Variants in SMYD3 observed in about 807,000 individuals in gnomAD.
The protein encoded by SMYD3 is histone-lysine N-methyltransferase SMYD3.
A neutral mutation model predicts 57.7 loss-of-function variants in SMYD3; 36 were observed. That is an observed-to-expected ratio of 0.62 (90% CI 0.48 to 0.82). SMYD3 has a LOEUF of 0.82. Among genes scored for constraint, SMYD3 ranks in the 40% least tolerant of loss-of-function variants. SMYD3 has a pLI of 0.00. For synonymous variants in SMYD3, 211 were observed against 195.0 expected (o/e 1.08, Z -0.68); for missense variants, 515 against 538.8 (o/e 0.96, Z 0.44).
chr1:246,072,041 G>A (rs2788001), intron 5 of SMYD3, among the ~76,000 whole-genome samples: 367 of 4,534 alleles, frequency 0.081, 42 homozygotes, highest in Non-Finnish European at 0.097. Context: ...TGTGCTTTCC[G>A]CTGTGCTCAC....
chr1:246,039,373 C>T (rs1302621919), intron 5 of SMYD3, among the ~76,000 whole-genome samples: 1 of 152,102 alleles, frequency 6.6e-6, no homozygotes, highest in Admixed American at 6.5e-5. Flanking sequence ...ATGCACCCAC[C>T]ACACTTCACT....
intron 10 of SMYD3, among the ~76,000 whole-genome samples, chr1:245,855,217 T>C (rs2051178189): frequency 6.6e-6 from 1 of 152,186 alleles, no homozygotes; most frequent in South Asian, 2.1e-4. Flanking sequence ...TATCTCCTTA[T>C]CACTCTCTAG....
At chr1:245,791,951 CTT>C (rs1491548801) in intron 10 of SMYD3, among the ~76,000 whole-genome samples, 5 of 88,826 alleles carry the variant, frequency 5.6e-5, no homozygotes, top group African/African-American at 1.6e-4. Flanking sequence ...TAATTTTAAA[CTT>C]GTGTGTGTGT....
intron 5 of SMYD3, among the ~76,000 whole-genome samples, chr1:246,091,902 C>T (rs1256694363): frequency 1.3e-5 from 2 of 152,154 alleles, no homozygotes; most frequent in Non-Finnish European, 2.9e-5. Context: ...GAATTCAAAA[C>T]AGACAAGAAA....
At chr1:245,935,730 C>T (rs1237884991) in intron 5 of SMYD3, among the ~76,000 whole-genome samples, 2 of 152,084 alleles carry the variant, frequency 1.3e-5, no homozygotes, top group African/African-American at 4.8e-5. Context: ...CTGTCATTTG[C>T]AAGAATATGG....
chr1:246,241,098 G>C (rs531804464), intron 5 of SMYD3, among the ~76,000 whole-genome samples: 16 of 152,114 alleles, frequency 1.1e-4, no homozygotes, highest in African/African-American at 3.4e-4. Flanking sequence ...TCTCCTGCCT[G>C]ATTGCCCTGG....
In SMYD3 at chr1:246,059,025, C is replaced by T. The variant is rs567434196; in HGVS notation, c.532-129088G>A. Reference sequence around the variant, plus strand: ...GAGTAGCTGGAACTGCAGGCGTCCGCCACCATGCCCGGCTAAATTTTTTTG... The same window carrying T: ...GAGTAGCTGGAACTGCAGGCGTCCGTCACCATGCCCGGCTAAATTTTTTTG... On this transcript the variant is annotated intron_variant, in intron 5 of 11. Transcript: ENST00000490107. Among the ~76,000 whole-genome samples the T allele has an allele frequency of 5.3e-5, 8 of 152,220 alleles. No individual in the cohort carries two copies. The East Asian group carries it at 1.3e-3, about 26-fold the overall frequency.
At chr1:245,856,296 A>G (rs1342276978) in intron 10 of SMYD3, among the ~76,000 whole-genome samples, 1 of 152,194 alleles carries the variant, frequency 6.6e-6, no homozygotes, top group Non-Finnish European at 1.5e-5. Flanking sequence ...TTAAAAGCAA[A>G]TGATTCGTAC....
intron 10 of SMYD3, among the ~76,000 whole-genome samples, chr1:245,828,484 T>A (rs2049630200): frequency 6.6e-6 from 1 of 150,592 alleles, no homozygotes; most frequent in African/African-American, 2.5e-5. Context: ...GAACACATTA[T>A]TTTTTTTTGA....
At chr1:246,141,971 T>C (rs2061764652) in intron 5 of SMYD3, among the ~76,000 whole-genome samples, 1 of 152,250 alleles carries the variant, frequency 6.6e-6, no homozygotes, top group Non-Finnish European at 1.5e-5. Flanking sequence ...TTTAAGAAAT[T>C]ACCTTTAAGC....
At chr1:246,348,712 C>G (rs2065768840) in intron 2 of SMYD3, among the ~76,000 whole-genome samples, 1 of 152,020 alleles carries the variant, frequency 6.6e-6, no homozygotes, top group South Asian at 2.1e-4. Context: ...ACACAGTATA[C>G]CTTTGTAGAA....
intron 5 of SMYD3, among the ~76,000 whole-genome samples, chr1:245,998,881 G>T (rs1027696373): frequency 2.0e-5 from 3 of 152,132 alleles, no homozygotes; most frequent in African/African-American, 7.2e-5. Flanking sequence ...ATGTTAAGTG[G>T]AAGAAGCCAG....
chr1:246,462,930 G>A (rs2184977), intron 1 of SMYD3, among the ~76,000 whole-genome samples: 19,512 of 152,120 alleles, frequency 0.13, 1,546 homozygotes, highest in East Asian at 0.25. Flanking sequence ...AGAGGCTGTG[G>A]CAGGGATGAC....
intron 5 of SMYD3, among the ~76,000 whole-genome samples, chr1:246,162,022 G>A (rs1297071214): frequency 6.6e-6 from 1 of 152,214 alleles, no homozygotes; most frequent in Non-Finnish European, 1.5e-5. Context: ...TGGCAGAGCT[G>A]TGGGTTCAGT....
At chr1:245,856,802 T>C (rs1242262286) in intron 10 of SMYD3, among the ~76,000 whole-genome samples, 1 of 151,520 alleles carries the variant, frequency 6.6e-6, no homozygotes, top group Non-Finnish European at 1.5e-5. Flanking sequence ...TAGCCAAGAG[T>C]GAGGAACCAG....
At chr1:245,868,610 T>C (rs1224013679) in intron 8 of SMYD3, among the ~76,000 whole-genome samples, 1 of 152,216 alleles carries the variant, frequency 6.6e-6, no homozygotes, top group Non-Finnish European at 1.5e-5. Flanking sequence ...TCCTAAGCCT[T>C]TATTTGCTTA....
At chr1:246,459,798 C>T (rs559745080) in intron 1 of SMYD3, among the ~76,000 whole-genome samples, 1 of 151,642 alleles carries the variant, frequency 6.6e-6, no homozygotes, top group South Asian at 2.1e-4. Flanking sequence ...ACCTATAAGT[C>T]ACATACAGTA....
In SMYD3 at chr1:246,088,325, G is replaced by C. The variant is rs186764449; in HGVS notation, c.532-158388C>G. On this transcript the variant is annotated intron_variant, in intron 5 of 11. Transcript: ENST00000490107. ...AGTTCTCAATTTCCCATTTCTCCCG[G>C]CTTAAAAGTTAAGAGTAATCACGCC... is the stretch of plus-strand genomic sequence containing the variant. Among the ~76,000 whole-genome samples the C allele has an allele frequency of 8.8e-4, 133 of 151,448 alleles. 1 individual carries two copies. In the East Asian group the frequency reaches 0.021, roughly 24 times the overall value.
At chr1:245,943,561 G>C (rs1429456423) in intron 5 of SMYD3, among the ~76,000 whole-genome samples, 3 of 152,110 alleles carry the variant, frequency 2.0e-5, no homozygotes, top group African/African-American at 7.2e-5. Context: ...GTACAAAGAC[G>C]AAGTGGTACC....
Sources: allele counts gnomAD v4.1 joint callset (sites outside exome capture counted in the v4.1 genomes callset), GRCh38; gene constraint gnomAD v4.1.1; transcripts MANE v1.5; gene names NCBI Gene and HGNC (gene_info 2026-07-23, HGNC 2026-07-21).